Variants in SPMIP3 observed in about 807,000 individuals in gnomAD.
The protein encoded by SPMIP3 is protein SPMIP3.
At chr1:244,354,651 A>G in the SPMIP3 span, among the ~76,000 whole-genome samples, 1 of 152,198 alleles carries the variant, frequency 6.6e-6, no homozygotes, top group East Asian at 1.9e-4. Flanking sequence ...ATAAGCCACC[A>G]TGGCTGGCCT....
At chr1:244,357,112 G>A in the SPMIP3 span, among the ~76,000 whole-genome samples, 1 of 151,618 alleles carries the variant, frequency 6.6e-6, no homozygotes, top group Admixed American at 6.6e-5. Flanking sequence ...TGTAAAGATG[G>A]GGTTTTGCCA....
At chr1:244,378,140 G>T in the SPMIP3 span, among the ~76,000 whole-genome samples, 952 of 152,164 alleles carry the variant, frequency 6.3e-3, 7 homozygotes, top group Non-Finnish European at 6.9e-3. Context: ...AACATCCGCA[G>T]AACAGTTACA....
At chr1:244,362,651 G>A in the SPMIP3 span, among the ~76,000 whole-genome samples, 55 of 152,098 alleles carry the variant, frequency 3.6e-4, no homozygotes, top group African/African-American at 1.3e-3. Flanking sequence ...CCTGCCGCAG[G>A]TCACATGGGT....
the SPMIP3 span, chr1:244,378,766 G>C: frequency 3.3e-6 from 3 of 897,562 alleles, no homozygotes; most frequent in Non-Finnish European, 4.9e-6. Context: ...GCATGGATAT[G>C]TGTGTGTGTG....
the SPMIP3 span, among the ~76,000 whole-genome samples, chr1:244,361,014 G>GA: frequency 6.6e-6 from 1 of 151,728 alleles, no homozygotes; most frequent in African/African-American, 2.4e-5. Context: ...GTGGGAGCTT[G>GA]AAAAAAAATT....
chr1:244,388,549 G>T, the SPMIP3 span, among the ~76,000 whole-genome samples: 1 of 151,944 alleles, frequency 6.6e-6, no homozygotes, highest in Admixed American at 6.5e-5. Context: ...TAATCCAAAG[G>T]TTTATAGTCA....
the SPMIP3 span, among the ~76,000 whole-genome samples, chr1:244,358,083 A>T: frequency 6.6e-6 from 1 of 151,800 alleles, no homozygotes; most frequent in Non-Finnish European, 1.5e-5. Context: ...AAAAAAAATT[A>T]GTCAGGCATG....
At chr1:244,388,972 C>G in the SPMIP3 span, 1 of 1,613,616 alleles carries the variant, frequency 6.2e-7, no homozygotes. Flanking sequence ...AAATTAGCCA[C>G]AGTTTCGCTG....
chr1:244,366,650 C>T, the SPMIP3 span, among the ~76,000 whole-genome samples: 33 of 152,162 alleles, frequency 2.2e-4, no homozygotes, highest in African/African-American at 7.2e-4. Flanking sequence ...GAGGCCAAGG[C>T]GGGTGGATCA....
chr1:244,361,103 G>A, the SPMIP3 span, among the ~76,000 whole-genome samples: 7 of 151,994 alleles, frequency 4.6e-5, no homozygotes, highest in Admixed American at 1.3e-4. Flanking sequence ...GAAGGGGAGT[G>A]GGGAAGAGGG....
the SPMIP3 span, among the ~76,000 whole-genome samples, chr1:244,379,853 A>G: frequency 6.6e-6 from 1 of 151,854 alleles, no homozygotes; most frequent in Admixed American, 6.6e-5. Flanking sequence ...CTGTAATTCC[A>G]GCTACTCGGG....
At chr1:244,378,518 T>A in the SPMIP3 span, 4 of 1,613,760 alleles carry the variant, frequency 2.5e-6, no homozygotes, top group Non-Finnish European at 3.4e-6. Flanking sequence ...ACTATCAGCC[T>A]CAATTAGACC....
At chr1:244,357,606 G>A in the SPMIP3 span, among the ~76,000 whole-genome samples, 1 of 150,834 alleles carries the variant, frequency 6.6e-6, no homozygotes, top group African/African-American at 2.4e-5. Flanking sequence ...TTACTCAGGA[G>A]GCTGAGGCAG....
chr1:244,364,327 G>A, the SPMIP3 span, among the ~76,000 whole-genome samples: 2 of 151,984 alleles, frequency 1.3e-5, no homozygotes, highest in South Asian at 2.1e-4. Context: ...GGATGGTCTC[G>A]ATCTCCTGAC....
At chr1:244,356,487 G>C in the SPMIP3 span, among the ~76,000 whole-genome samples, 1 of 152,186 alleles carries the variant, frequency 6.6e-6, no homozygotes, top group Non-Finnish European at 1.5e-5. Flanking sequence ...CTTTGAGGAA[G>C]TTTGCTGCAA....
At chr1:244,371,435 T>C in the SPMIP3 span, among the ~76,000 whole-genome samples, 2 of 152,176 alleles carry the variant, frequency 1.3e-5, no homozygotes, top group Admixed American at 6.5e-5. Flanking sequence ...CAAAACTCTC[T>C]TCTCCACCCA....
chr1:244,388,285 CAATTT>C, the SPMIP3 span, among the ~76,000 whole-genome samples: 1 of 152,022 alleles, frequency 6.6e-6, no homozygotes, highest in Non-Finnish European at 1.5e-5. Context: ...TGTATATATT[CAATTT>C]AAAGAGTAAT....
chr1:244,366,458 C>T, the SPMIP3 span, among the ~76,000 whole-genome samples: 1 of 152,220 alleles, frequency 6.6e-6, no homozygotes, highest in Non-Finnish European at 1.5e-5. Context: ...GCCACAACAC[C>T]CAGCCTCATG....
the SPMIP3 span, among the ~76,000 whole-genome samples, chr1:244,368,366 A>C: frequency 6.6e-6 from 1 of 152,194 alleles, no homozygotes; most frequent in African/African-American, 2.4e-5. Context: ...GGTGCATCTG[A>C]ACTCCTTTAA....
Sources: allele counts gnomAD v4.1 joint callset (sites outside exome capture counted in the v4.1 genomes callset), GRCh38; gene constraint gnomAD v4.1.1; transcripts MANE v1.5; gene names NCBI Gene and HGNC (gene_info 2026-07-23, HGNC 2026-07-21).